The following GRM3 variants were observed in gnomAD, a reference collection of about 807,000 sequenced individuals.
The protein encoded by GRM3 is metabotropic glutamate receptor 3.
A neutral mutation model predicts 70.5 loss-of-function variants in GRM3; 26 were observed. The ratio of observed to expected loss-of-function variants is 0.37; its 90% CI spans 0.27 to 0.51. GRM3 has a LOEUF of 0.51. Among genes scored for constraint, GRM3 ranks in the 20% least tolerant of loss-of-function variants. The pLI, the probability that GRM3 is intolerant of heterozygous loss-of-function variation, is 0.93. For synonymous variants in GRM3, 443 were observed against 434.9 expected (o/e 1.02, Z -0.23); for missense variants, 859 against 1,123.8 (o/e 0.76, Z 3.37).
intron 1 of GRM3, among the ~76,000 whole-genome samples, chr7:86,691,051 C>T (rs936634879): frequency 6.6e-6 from 1 of 152,108 alleles, no homozygotes; most frequent in African/African-American, 2.4e-5. Context: ...TCCTCTACTA[C>T]CATTTCCTAG....
intron 3 of GRM3, among the ~76,000 whole-genome samples, chr7:86,824,349 G>T (rs768889025): frequency 5.3e-5 from 8 of 152,158 alleles, no homozygotes; most frequent in Non-Finnish European, 1.2e-4. Context: ...TTTTAGGAAA[G>T]CAAGACAAAG....
rs570901796 is a variant in GRM3, at chr7:86,788,007, C to T, written c.1324+891C>T. On this transcript the variant is annotated intron_variant, in intron 3 of 5. Transcript: ENST00000361669. ...TTGTTCTGGGTAGTATAGCTTAATC[C>T]CAAATCATAAAATATTAAGTAATAT... Among the ~76,000 whole-genome samples, 7 of 152,212 alleles carry T rather than the reference C, an allele frequency of 4.6e-5. No homozygotes were observed. In the East Asian group the frequency reaches 1.4e-3, roughly 29 times the overall value.
chr7:86,817,307 A>C (rs1334855914), intron 3 of GRM3, among the ~76,000 whole-genome samples: 1 of 151,984 alleles, frequency 6.6e-6, no homozygotes, highest in Non-Finnish European at 1.5e-5. Flanking sequence ...AAGTTAAGCA[A>C]AAACACCATT....
At chr7:86,723,611 C>A (rs1026594352) in intron 1 of GRM3, among the ~76,000 whole-genome samples, 1 of 152,142 alleles carries the variant, frequency 6.6e-6, no homozygotes, top group Non-Finnish European at 1.5e-5. Flanking sequence ...ATTTGCAGCT[C>A]ATTGTGATGA....
chr7:86,799,001 G>A (rs1386555336), intron 3 of GRM3, among the ~76,000 whole-genome samples: 1 of 152,044 alleles, frequency 6.6e-6, no homozygotes, highest in Admixed American at 6.6e-5. Context: ...CCTAGTCTTG[G>A]GTATGTCTTT....
intron 1 of GRM3, among the ~76,000 whole-genome samples, chr7:86,760,799 T>G (rs1796460077): frequency 6.6e-6 from 1 of 152,178 alleles, no homozygotes; most frequent in African/African-American, 2.4e-5. Flanking sequence ...AATTGATTTT[T>G]GATTTGTAAT....
chr7:86,662,926 C>T (rs1276151716), intron 1 of GRM3, among the ~76,000 whole-genome samples: 2 of 151,688 alleles, frequency 1.3e-5, no homozygotes, highest in African/African-American at 4.8e-5. Context: ...TCTTATTTCT[C>T]TTGTAGTCTT....
Position 86,839,053 on chromosome 7 carries a change from T to C in GRM3, c.1539T>C (p.Cys513=), listed in dbSNP as rs1025523332. The change falls in exon 4 of 6, where the codon TGT becomes TGC. Residue 513 remains cysteine (C), a synonymous_variant. Transcript: ENST00000361669. The surrounding 1 kb of genome is among the most constrained non-coding windows in gnomAD (Gnocchi z 4.5). ...CCACTTCCCAGTGCAGCGACCCCTG[T>C]GCCCCCAATGAAATGAAGAATATGC... is the stretch of plus-strand genomic sequence containing the variant. ...SVPTSQCSDP[C]APNEMKNMQP... The C allele has an allele frequency of 1.9e-6, 3 of 1,614,024 alleles. No individual in the cohort carries two copies. Among genetic ancestry groups the C allele is most frequent in the Non-Finnish European group, 2.5e-6 (3 of 1,179,872 alleles).
intron 1 of GRM3, among the ~76,000 whole-genome samples, chr7:86,657,019 C>T (rs999798063): frequency 6.6e-6 from 1 of 152,050 alleles, no homozygotes; most frequent in Non-Finnish European, 1.5e-5. Context: ...TAATATCTTC[C>T]ATTAATATGT....
chr7:86,846,017 A>G (rs1232650197), intron 4 of GRM3, among the ~76,000 whole-genome samples: 2 of 152,076 alleles, frequency 1.3e-5, no homozygotes, highest in Non-Finnish European at 2.9e-5. Flanking sequence ...TCTCATCATG[A>G]TAATATCTCT....
At chr7:86,735,451 T>G (rs568099955) in intron 1 of GRM3, among the ~76,000 whole-genome samples, 1 of 152,364 alleles carries the variant, frequency 6.6e-6, no homozygotes, top group South Asian at 2.1e-4. Context: ...TTATTAAGTT[T>G]GTCTACTCTC....
At chr7:86,729,739 T>C (rs1795682935) in intron 1 of GRM3, among the ~76,000 whole-genome samples, 1 of 152,234 alleles carries the variant, frequency 6.6e-6, no homozygotes, top group Non-Finnish European at 1.5e-5. Context: ...AGTCCCATAT[T>C]TCTCACATTG....
rs968533149 is a variant in GRM3, at chr7:86,792,931, A to C, written c.1324+5815A>C. On this transcript the variant is annotated intron_variant, in intron 3 of 5. Transcript: ENST00000361669. ...CTGTTACTGATGGACTCATCATAAC[A>C]GGACTGAATAGTATGTACAGCTAAG... Among the ~76,000 whole-genome samples the C allele has an allele frequency of 3.3e-5, 5 of 152,040 alleles. No homozygotes were observed. In the South Asian group the frequency reaches 1.0e-3, roughly 31 times the overall value.
intron 2 of GRM3, among the ~76,000 whole-genome samples, chr7:86,785,333 AT>A (rs1777003217): frequency 6.6e-6 from 1 of 152,214 alleles, no homozygotes; most frequent in Non-Finnish European, 1.5e-5. Context: ...CAAATACTGT[AT>A]GCATAAAATG....
At chr7:86,833,011 TC>T (rs927631816) in intron 3 of GRM3, 2 of 983,964 alleles carry the variant, frequency 2.0e-6, no homozygotes, top group African/African-American at 3.5e-5. Context: ...TTCTTTTTCT[TC>T]CCCTTCTAGT....
In GRM3 at chr7:86,711,186, T is replaced by A. The variant is rs543446567; in HGVS notation, c.-140-53820T>A. On this transcript the variant is annotated intron_variant, in intron 1 of 5. Transcript: ENST00000361669. ...AATTTAATTTAATTTAATTTAATTT[T>A]ATTTTATTATTATTATACTTTAAGT... 3.8e-3 allele frequency among the ~76,000 whole-genome samples: 583 copies of A among 151,808 alleles called. 3 individuals carry two copies. The highest frequency in any genetic ancestry group is 1.0e-2 in the African/African-American group (413 of 41,474).
chr7:86,815,743 AC>A (rs1484102017), intron 3 of GRM3, among the ~76,000 whole-genome samples: 1 of 151,886 alleles, frequency 6.6e-6, no homozygotes, highest in Non-Finnish European at 1.5e-5. Flanking sequence ...ACATGCACAG[AC>A]TAGTATTTTC....
At chr7:86,709,565 C>T (rs1048233073) in intron 1 of GRM3, among the ~76,000 whole-genome samples, 4 of 151,910 alleles carry the variant, frequency 2.6e-5, no homozygotes, top group African/African-American at 7.3e-5. Context: ...GTGGTACCTT[C>T]GGGGGGGTGG....
At chr7:86,768,952 A>C (rs1224812630) in intron 2 of GRM3, among the ~76,000 whole-genome samples, 2 of 152,194 alleles carry the variant, frequency 1.3e-5, no homozygotes, top group African/African-American at 4.8e-5. Context: ...GTAGCTAAGA[A>C]TTAAAGTGTG....
Sources: gnomAD v4.1 joint callset for allele counts (sites outside exome capture counted in the v4.1 genomes callset) on GRCh38, gnomAD v4.1.1 for gene constraint, Gnocchi (gnomAD v3.1) non-coding constraint, MANE v1.5 for transcripts, NCBI Gene and HGNC (gene_info 2026-07-23, HGNC 2026-07-21) for gene names.